Variants in SATB2 observed in about 807,000 individuals in gnomAD.
SATB2 encodes the protein DNA-binding protein SATB2.
SATB2 carries 1 observed loss-of-function variant against 73.4 expected under a neutral mutation model. That is an observed-to-expected ratio of 0.01 (90% confidence interval 0.00 to 0.06). SATB2 has a LOEUF of 0.06. Among genes scored for constraint, SATB2 ranks in the 10% least tolerant of loss-of-function variants. SATB2 has a pLI of 1.00. For synonymous variants in SATB2, 397 were observed against 367.0 expected, an observed-to-expected ratio of 1.08 and a Z score of -0.93; for missense variants, 459 against 945.8, an observed-to-expected ratio of 0.49 and a Z score of 6.75.
rs1175458435 is a variant in SATB2 at position 199,386,714 on chromosome 2, GCGCACACACACACACACACACACA to G, written c.347-4918_347-4895del. ...TGCGCAAGCGCGCGCGCGCGCGCGC[GCGCACACACACACACACACACACA>G]CACACACACACACACACACACACAC... On this transcript the variant is annotated intron_variant, in intron 3 of 10. Transcript: ENST00000417098. Among the ~76,000 whole-genome samples, 28 of 22,566 alleles carry G rather than the reference GCGCACACACACACACACACACACA, an allele frequency of 1.2e-3. 1 individual carries two copies. The highest frequency in any genetic ancestry group is 0.011 in the East Asian group (2 of 178). 14.8% of individuals were successfully genotyped at this position (22,566 alleles called of 152,430 possible).
chr2:199,273,838 A>AAAAAAG (rs534842752), intron 10 of SATB2, among the ~76,000 whole-genome samples: 250 of 152,258 alleles, frequency 1.6e-3, no homozygotes, highest in Admixed American at 3.1e-3. Flanking sequence ...AGGTAAGCTT[A>AAAAAAG]CTCAAAGGAA....
At chr2:199,289,282 T>A (rs918062340) in intron 10 of SATB2, among the ~76,000 whole-genome samples, 2 of 152,166 alleles carry the variant, frequency 1.3e-5, no homozygotes, top group African/African-American at 4.8e-5. Flanking sequence ...GGACAGGCAC[T>A]CTTGTTTAGA....
At chr2:199,469,247 G>C (rs187794135), upstream of SATB2, among the ~76,000 whole-genome samples, 61 of 152,306 alleles carry the variant, frequency 4.0e-4, no homozygotes, top group African/African-American at 1.4e-3. Context: ...CGTCGTCACC[G>C]AGCGTGTCAG....
chr2:199,291,339 AGACTTT>A (rs1431802807), intron 10 of SATB2, among the ~76,000 whole-genome samples: 1 of 152,204 alleles, frequency 6.6e-6, no homozygotes, highest in Non-Finnish European at 1.5e-5. Context: ...TAGCTTACTT[AGACTTT>A]ATCAAAATTT....
chr2:199,289,818 C>T (rs1181129878), intron 10 of SATB2, among the ~76,000 whole-genome samples: 1 of 152,144 alleles, frequency 6.6e-6, no homozygotes, highest in African/African-American at 2.4e-5. Flanking sequence ...TCTAGTTGAT[C>T]CCACGTGTTG....
Position 199,272,237 on chromosome 2 carries a change from C to T in SATB2, c.2176G>A (p.Ala726Thr), listed in dbSNP as rs551624897. The T allele has an allele frequency of 4.5e-4, 720 of 1,614,180 alleles. 7 individuals carry two copies. In the South Asian group the frequency reaches 7.6e-3, roughly 17 times the overall value. Residue 726 changes from alanine to threonine, a missense_variant, in exon 11 of 11, where the codon GCA becomes ACA. Ala to Thr is a moderately conservative substitution (Grantham distance 58). Transcript: ENST00000417098. The surrounding 1 kb of genome is among the most constrained non-coding windows in gnomAD (Gnocchi z 6.7). ...TATCTCTGGTCAATTTCGGCAGGTG[C>T]TGCCTTGCTTTTGTCAGCATTTTCC... ...EEENADKSKA[A>T]PAEIDQR is the part of the protein sequence containing the mutation.
chr2:199,423,407 GCTTTC>G (rs1341079843), intron 3 of SATB2, among the ~76,000 whole-genome samples: 2 of 151,954 alleles, frequency 1.3e-5, no homozygotes, highest in African/African-American at 4.8e-5. Flanking sequence ...AAGTTTCTTA[GCTTTC>G]CTTTCTGCAA....
At chr2:199,429,604 C>G (rs192092200) in intron 3 of SATB2, among the ~76,000 whole-genome samples, 1 of 152,118 alleles carries the variant, frequency 6.6e-6, no homozygotes, top group African/African-American at 2.4e-5. Context: ...TTGCTAAGCA[C>G]GTTTGTTTTA....
chr2:199,278,986 G>C (rs943840600), intron 10 of SATB2, among the ~76,000 whole-genome samples: 11 of 152,190 alleles, frequency 7.2e-5, no homozygotes, highest in Non-Finnish European at 1.6e-4. Flanking sequence ...TTAATAAGAA[G>C]TCCTATTTCC....
chr2:199,453,666 C>G (rs1574643376), intron 2 of SATB2, among the ~76,000 whole-genome samples: 1 of 152,112 alleles, frequency 6.6e-6, no homozygotes, highest in East Asian at 1.9e-4. Context: ...AAACTATTAA[C>G]ATCTTAACAT....
chr2:199,380,243 T>C (rs1012829437), intron 5 of SATB2, 121 bp downstream of exon 5: 2 of 1,250,474 alleles, frequency 1.6e-6, no homozygotes, highest in Admixed American at 1.7e-5. Flanking sequence ...ACACCTCAAA[T>C]GCAGTTTAAG....
chr2:199,273,003 C>T (rs1006373708), intron 10 of SATB2, among the ~76,000 whole-genome samples: 2 of 152,060 alleles, frequency 1.3e-5, no homozygotes, highest in African/African-American at 4.8e-5. Flanking sequence ...TCTCTGAAGG[C>T]TAACGACAAA....
At chr2:199,289,282 T>C (rs918062340) in intron 10 of SATB2, among the ~76,000 whole-genome samples, 1 of 152,166 alleles carries the variant, frequency 6.6e-6, no homozygotes, top group Non-Finnish European at 1.5e-5. Context: ...GGACAGGCAC[T>C]CTTGTTTAGA....
chr2:199,399,443 G>T (rs1690403760), intron 3 of SATB2, among the ~76,000 whole-genome samples: 1 of 152,174 alleles, frequency 6.6e-6, no homozygotes, highest in South Asian at 2.1e-4. Flanking sequence ...CCCTGCATTT[G>T]TAAGTTCTTG....
At chr2:199,327,619 C>G (rs187726487) in intron 8 of SATB2, among the ~76,000 whole-genome samples, 4 of 152,024 alleles carry the variant, frequency 2.6e-5, no homozygotes, top group South Asian at 2.1e-4. Context: ...TGGATGTGAA[C>G]TAGAAATGAC....
intron 3 of SATB2, among the ~76,000 whole-genome samples, chr2:199,391,374 A>C (rs1690129573): frequency 6.9e-6 from 1 of 145,120 alleles, no homozygotes; most frequent in East Asian, 2.1e-4. Flanking sequence ...CAGAGGTTGC[A>C]GTGACCAGAG....
upstream of SATB2, chr2:199,467,392 T>A (rs1451126109): frequency 6.6e-6 from 1 of 152,146 alleles, no homozygotes; most frequent in East Asian, 1.9e-4. Flanking sequence ...TCCAACAGCC[T>A]CCCCTCCCCC....
intron 7 of SATB2, among the ~76,000 whole-genome samples, chr2:199,337,818 T>G (rs2105808141): frequency 6.6e-6 from 1 of 152,334 alleles, no homozygotes; most frequent in East Asian, 1.9e-4. Context: ...CTTCCTTCAC[T>G]TTATTTGAGC....
At chr2:199,329,639 AAC>A (rs1688132082) in intron 7 of SATB2, among the ~76,000 whole-genome samples, 3 of 152,136 alleles carry the variant, frequency 2.0e-5, no homozygotes, top group South Asian at 4.1e-4. Context: ...ACACTGTAAT[AAC>A]AGTGTGCACG....
Sources: gnomAD v4.1 joint callset for allele counts (sites outside exome capture counted in the v4.1 genomes callset) on GRCh38, gnomAD v4.1.1 for gene constraint, Gnocchi (gnomAD v3.1) non-coding constraint, MANE v1.5 for transcripts, NCBI Gene and HGNC (gene_info 2026-07-23, HGNC 2026-07-21) for gene names.